The following OSBPL10 variants were observed in gnomAD, a reference collection of about 807,000 sequenced individuals.
The protein encoded by OSBPL10 is oxysterol binding protein like 10.
Under a neutral mutation model 81.7 loss-of-function variants are expected in OSBPL10, and 49 were observed. The ratio of observed to expected loss-of-function variants is 0.60; its 90% CI spans 0.48 to 0.76. The LOEUF (loss-of-function observed/expected upper bound fraction) is 0.76. Ranked by LOEUF, OSBPL10 falls within the 30% of genes least tolerant of loss-of-function variation. The pLI, the probability that OSBPL10 is intolerant of heterozygous loss-of-function variation, is 0.00. For missense variants in OSBPL10, 923 were observed against 987.8 expected, an observed-to-expected ratio of 0.93 and a Z score of 0.88; for synonymous variants, 419 against 383.6, an observed-to-expected ratio of 1.09 and a Z score of -1.08.
chr3:31,696,457 T>C (rs1191080367), intron 7 of OSBPL10, among the ~76,000 whole-genome samples: 1 of 152,252 alleles, frequency 6.6e-6, no homozygotes, highest in African/African-American at 2.4e-5. Context: ...CCATTCTCCC[T>C]TGAATGCACT....
chr3:31,989,240 T>C (rs775317261), intron 2 of OSBPL10: 1 of 1,614,196 alleles, frequency 6.2e-7, no homozygotes, highest in Non-Finnish European at 8.5e-7. Flanking sequence ...GCCATGATGT[T>C]GGAGAACTAC....
At position 31,990,752 on chromosome 3, in the gene OSBPL10, G is replaced by T; in HGVS notation, n.298+55739C>A. 6.2e-7 allele frequency: 1 copy of T among 1,613,852 alleles called. No individual in the cohort carries two copies. The highest frequency in any genetic ancestry group is 1.7e-5 in the Admixed American group (1 of 59,988). On this transcript the variant is annotated intron_variant and non_coding_transcript_variant, in intron 2 of 3. Coordinates refer to the OSBPL10 transcript ENST00000479173. ...AAATCACACCATGAAACACATAAGAGAATTCATACTGGAGAGAAACCTTAC... is the reference window on the plus strand; with the variant it reads ...AAATCACACCATGAAACACATAAGATAATTCATACTGGAGAGAAACCTTAC...
At chr3:31,861,716 G>A (rs552317434) in intron 3 of OSBPL10, among the ~76,000 whole-genome samples, 1 of 152,252 alleles carries the variant, frequency 6.6e-6, no homozygotes, top group Non-Finnish European at 1.5e-5. Flanking sequence ...GGTTAAAAGT[G>A]ACTACTATTT....
chr3:31,762,619 C>A (rs934073250), intron 4 of OSBPL10, among the ~76,000 whole-genome samples: 4 of 59,446 alleles, frequency 6.7e-5, no homozygotes, highest in Non-Finnish European at 1.1e-4. Flanking sequence ...ATGCACAACA[C>A]CATGCCCAGC....
At chr3:31,863,414 A>T (rs1272528540) in intron 3 of OSBPL10, among the ~76,000 whole-genome samples, 1 of 152,204 alleles carries the variant, frequency 6.6e-6, no homozygotes, top group Admixed American at 6.5e-5. Context: ...CATACTTTAA[A>T]AAAGTAAACT....
intron 1 of OSBPL10, among the ~76,000 whole-genome samples, chr3:31,974,138 A>T (rs1698635344): frequency 6.6e-6 from 1 of 152,220 alleles, no homozygotes; most frequent in African/African-American, 2.4e-5. Context: ...GGACTTAAAG[A>T]GCAGCTTGCA....
intron 3 of OSBPL10, among the ~76,000 whole-genome samples, chr3:31,850,989 A>C (rs1421294876): frequency 6.6e-6 from 1 of 152,222 alleles, no homozygotes; most frequent in Non-Finnish European, 1.5e-5. Flanking sequence ...GTAATGAGGA[A>C]AGCATGAACA....
At chr3:31,750,245 A>G (rs1408777247) in intron 4 of OSBPL10, among the ~76,000 whole-genome samples, 1 of 152,188 alleles carries the variant, frequency 6.6e-6, no homozygotes, top group Non-Finnish European at 1.5e-5. Flanking sequence ...CTTCCTTACC[A>G]ACCTCATTAT....
In OSBPL10 at chr3:31,855,009, G is replaced by T. The variant is rs560596578; in HGVS notation, c.537+21424C>A. ...TATCGCATTTGGTTGTCATGGTTTT[G>T]TTTTGTTTTGTTTTGTTTTTGTTTT... On this transcript the variant is annotated intron_variant, in intron 3 of 11. Coordinates refer to ENST00000396556, the MANE Select transcript of OSBPL10 (RefSeq NM_017784.5). Among the ~76,000 whole-genome samples the T allele has an allele frequency of 3.6e-3, 547 of 150,958 alleles. 3 individuals carry two copies. The highest frequency in any genetic ancestry group is 0.012 in the African/African-American group (500 of 41,316).
chr3:31,772,892 T>A (rs1439968503), intron 4 of OSBPL10, among the ~76,000 whole-genome samples: 2 of 152,186 alleles, frequency 1.3e-5, no homozygotes, highest in Admixed American at 6.5e-5. Context: ...GGAACCTTCC[T>A]CTTCTGTAAA....
At chr3:31,845,624 T>G (rs1700609986) in intron 3 of OSBPL10, among the ~76,000 whole-genome samples, 1 of 152,182 alleles carries the variant, frequency 6.6e-6, no homozygotes, top group Non-Finnish European at 1.5e-5. Context: ...AAGAAGCGGT[T>G]CTGTGTCAGA....
chr3:31,874,580 A>AT (rs748065187), intron 3 of OSBPL10, among the ~76,000 whole-genome samples: 12 of 152,202 alleles, frequency 7.9e-5, no homozygotes, highest in Non-Finnish European at 1.3e-4. Context: ...AGTTTGCATT[A>AT]TTTTTAAGAA....
At chr3:31,888,509 G>A (rs1035338771) in intron 1 of OSBPL10, among the ~76,000 whole-genome samples, 73 of 152,082 alleles carry the variant, frequency 4.8e-4, no homozygotes, top group Non-Finnish European at 9.8e-4. Context: ...GTGCAACAAA[G>A]GAAACAACAG....
chr3:31,896,791 G>A (rs1023547562), intron 1 of OSBPL10, among the ~76,000 whole-genome samples: 7 of 152,204 alleles, frequency 4.6e-5, no homozygotes, highest in African/African-American at 1.7e-4. Context: ...TCCCTACTCA[G>A]CACCTTTCCA....
chr3:32,050,009 G>T (rs1237134550), intron 1 of OSBPL10, among the ~76,000 whole-genome samples: 1 of 152,160 alleles, frequency 6.6e-6, no homozygotes, highest in Non-Finnish European at 1.5e-5. Context: ...TTTGATTAAT[G>T]GGAAAAAGGA....
intron 1 of OSBPL10, among the ~76,000 whole-genome samples, chr3:31,895,825 T>C (rs1696037914): frequency 6.6e-6 from 1 of 152,168 alleles, no homozygotes; most frequent in African/African-American, 2.4e-5. Context: ...CAACAAACTA[T>C]ATAAATTCTA....
At chr3:31,806,097 T>C (rs1056040381) in intron 4 of OSBPL10, among the ~76,000 whole-genome samples, 4 of 152,182 alleles carry the variant, frequency 2.6e-5, no homozygotes, top group Admixed American at 1.3e-4. Flanking sequence ...ACTCTGGCAG[T>C]CTGGTTACAG....
At chr3:31,703,360 T>C (rs1222602607) in intron 6 of OSBPL10, among the ~76,000 whole-genome samples, 2 of 152,216 alleles carry the variant, frequency 1.3e-5, no homozygotes, top group African/African-American at 4.8e-5. Flanking sequence ...CTTGCTTACA[T>C]ATAAGCAAAA....
At chr3:32,043,353 G>A (rs767890188) in intron 2 of OSBPL10, among the ~76,000 whole-genome samples, 4 of 152,182 alleles carry the variant, frequency 2.6e-5, no homozygotes, top group South Asian at 2.1e-4. Flanking sequence ...CCTGAAAATC[G>A]CTGATTTTCT....
Sources: gnomAD v4.1 joint callset for allele counts (sites outside exome capture counted in the v4.1 genomes callset) on GRCh38, gnomAD v4.1.1 for gene constraint, MANE v1.5 for transcripts, NCBI Gene and HGNC (gene_info 2026-07-23, HGNC 2026-07-21) for gene names.